FHIT: variants seen among roughly 807,000 people sequenced by gnomAD.
The protein encoded by FHIT is fragile histidine triad diadenosine triphosphatase.
Under a neutral mutation model 17.9 loss-of-function variants are expected in FHIT, and 19 were observed. That is an observed-to-expected ratio of 1.06 (90% CI 0.74 to 1.56). FHIT has a LOEUF of 1.56. FHIT is among the 40% of genes most tolerant of loss of function. The pLI, the probability that FHIT is intolerant of heterozygous loss-of-function variation, is 0.00. For missense variants in FHIT, 248 were observed against 189.2 expected (o/e 1.31, Z -1.82); for synonymous variants, 81 against 69.7 (o/e 1.16, Z -0.81).
chr3:61,213,959 G>A (rs1019577688), intron 1 of FHIT, among the ~76,000 whole-genome samples: 6 of 152,010 alleles, frequency 3.9e-5, no homozygotes, highest in East Asian at 1.9e-4. Flanking sequence ...TGAAACCAAC[G>A]AGAACAAAGA....
Position 60,924,847 on chromosome 3 carries a change from T to G in FHIT, c.-110-102836A>C, listed in dbSNP as rs1707495776. 2.6e-5 allele frequency among the ~76,000 whole-genome samples: 4 copies of G among 151,678 alleles called. No homozygotes were observed. In the South Asian group the frequency reaches 8.4e-4, roughly 32 times the overall value. ...ACGAATGGCTAACTAGAATAACCAA[T>G]GCAGAGAAGTCCTTAAAGGACCTGA... On this transcript the variant is annotated intron_variant, in intron 3 of 9. Transcript: ENST00000492590.
chr3:60,244,818 G>C lies in FHIT; in HGVS notation c.104-230666C>G, dbSNP rs1318363765. 3.3e-5 allele frequency among the ~76,000 whole-genome samples: 5 copies of C among 152,018 alleles called. No homozygotes were observed. The East Asian group carries it at 9.6e-4, about 29-fold the overall frequency. ...AAAGATCTTACATTTGATCAGCGTG[G>C]CTTTTAATTTTAGTTATGATTATTT... On this transcript the variant is annotated intron_variant, in intron 5 of 9. Transcript: ENST00000492590.
chr3:60,280,895 ACTGTTTTTGCTCTCATG>A (rs1707396999), intron 5 of FHIT, among the ~76,000 whole-genome samples: 1 of 97,922 alleles, frequency 1.0e-5, no homozygotes. Flanking sequence ...AGAAAATAAA[ACTGTTTTTGCTCTCATG>A]ATATGGCTGA....
chr3:60,848,339 G>C (rs1406709952), intron 3 of FHIT, among the ~76,000 whole-genome samples: 1 of 152,076 alleles, frequency 6.6e-6, no homozygotes, highest in African/African-American at 2.4e-5. Context: ...TACTTTTTAA[G>C]ATAATTTTTT....
At chr3:60,436,152 ATTC>A (rs1278731939) in intron 5 of FHIT, among the ~76,000 whole-genome samples, 2 of 152,048 alleles carry the variant, frequency 1.3e-5, no homozygotes, top group Non-Finnish European at 1.5e-5. Flanking sequence ...GGCTCAAGCA[ATTC>A]TTCTGCCTCA....
At chr3:59,978,507 G>C (rs951111682) in intron 7 of FHIT, among the ~76,000 whole-genome samples, 10 of 151,544 alleles carry the variant, frequency 6.6e-5, no homozygotes, top group African/African-American at 2.2e-4. Context: ...TTAGAGGCTG[G>C]AATAGTTAAA....
chr3:60,039,136 G>C (rs1250889941), intron 5 of FHIT, among the ~76,000 whole-genome samples: 1 of 152,146 alleles, frequency 6.6e-6, no homozygotes, highest in African/African-American at 2.4e-5. Flanking sequence ...TCCTTAAGGT[G>C]TTTCCATGTG....
At chr3:59,905,299 G>A (rs1036742856) in intron 8 of FHIT, among the ~76,000 whole-genome samples, 7 of 152,212 alleles carry the variant, frequency 4.6e-5, no homozygotes, top group East Asian at 3.9e-4. Context: ...TACAGAGGAC[G>A]AACTTCAAGA....
At position 60,636,227 on chromosome 3, in the gene FHIT, C is replaced by T. The variant is rs1367256428; in HGVS notation, c.-17-99248G>A. ...CTGGAACTACAGGCATGCACCACCA[C>T]GCCTAGCTAATTTTTATATTTTTAG... On this transcript the variant is annotated intron_variant, in intron 4 of 9. Coordinates refer to ENST00000492590, the MANE Select transcript of FHIT (RefSeq NM_002012.4). Among the ~76,000 whole-genome samples, 18 of 152,180 alleles carry T rather than the reference C, an allele frequency of 1.2e-4. No homozygotes were observed. The East Asian group carries it at 2.7e-3, about 23-fold the overall frequency.
At chr3:60,763,183 T>C (rs1405070785) in intron 4 of FHIT, among the ~76,000 whole-genome samples, 1 of 152,030 alleles carries the variant, frequency 6.6e-6, no homozygotes, top group Non-Finnish European at 1.5e-5. Flanking sequence ...AGACAGAATG[T>C]GTAAAAGTGC....
At chr3:59,788,908 C>T (rs920007691) in intron 8 of FHIT, among the ~76,000 whole-genome samples, 6 of 2,162 alleles carry the variant, frequency 2.8e-3, no homozygotes, top group Non-Finnish European at 4.6e-3. Context: ...CATCTCCAAA[C>T]AGCAAGTAAT....
In FHIT at chr3:61,152,358, G is replaced by C. The variant is rs76897108; in HGVS notation, c.-164+48259C>G. 9.9e-3 allele frequency among the ~76,000 whole-genome samples: 1,502 copies of C among 152,310 alleles called. 30 individuals carry two copies. Among genetic ancestry groups the C allele is most frequent in the African/African-American group, 0.032 (1,339 of 41,560 alleles). On this transcript the variant is annotated intron_variant, in intron 2 of 9. Coordinates refer to ENST00000492590, the MANE Select transcript of FHIT (RefSeq NM_002012.4). Reference sequence around the variant, plus strand: ...GGAAGCACACAGCTGAACTTTTGCTGATAAAAAGGCTAACTTTTTAATTTT... The same window carrying C: ...GGAAGCACACAGCTGAACTTTTGCTCATAAAAAGGCTAACTTTTTAATTTT...
At chr3:60,765,975 T>G (rs551908405) in intron 4 of FHIT, among the ~76,000 whole-genome samples, 1 of 152,282 alleles carries the variant, frequency 6.6e-6, no homozygotes, top group East Asian at 1.9e-4. Flanking sequence ...TGGCTCAGAC[T>G]TTGGCCACAG....
intron 5 of FHIT, among the ~76,000 whole-genome samples, chr3:60,344,168 T>G (rs944825374): frequency 2.6e-5 from 4 of 152,182 alleles, no homozygotes; most frequent in Non-Finnish European, 5.9e-5. Flanking sequence ...AGGTCTTCAG[T>G]GAAGTGTATT....
chr3:60,617,739 T>C (rs1553676500), intron 4 of FHIT: 1 of 154,134 alleles, frequency 6.5e-6, no homozygotes, highest in African/African-American at 2.4e-5. Context: ...GTTATCCAGA[T>C]GTGGGGAAAA....
intron 2 of FHIT, among the ~76,000 whole-genome samples, chr3:61,095,656 A>G (rs2035615688): frequency 6.6e-6 from 1 of 152,112 alleles, no homozygotes; most frequent in African/African-American, 2.4e-5. Flanking sequence ...TGTTTTAAAA[A>G]AAAAAATTCA....
chr3:61,190,285 C>G (rs1336369310), intron 2 of FHIT, among the ~76,000 whole-genome samples: 1 of 152,184 alleles, frequency 6.6e-6, no homozygotes, highest in Non-Finnish European at 1.5e-5. Flanking sequence ...TGAACAGACA[C>G]TTCTCAAAAG....
intron 5 of FHIT, among the ~76,000 whole-genome samples, chr3:60,361,246 A>G (rs1288400404): frequency 6.6e-6 from 1 of 152,378 alleles, no homozygotes; most frequent in East Asian, 1.9e-4. Context: ...TAAAGAAGAG[A>G]TGAAACTAGA....
intron 4 of FHIT, among the ~76,000 whole-genome samples, chr3:60,623,806 C>T (rs1369648807): frequency 1.3e-5 from 2 of 152,108 alleles, no homozygotes; most frequent in Non-Finnish European, 2.9e-5. Flanking sequence ...ATCTATTTGC[C>T]CAACCCGATT....
Sources: allele counts gnomAD v4.1 joint callset (sites outside exome capture counted in the v4.1 genomes callset), GRCh38; gene constraint gnomAD v4.1.1; transcripts MANE v1.5; gene names NCBI Gene and HGNC (gene_info 2026-07-23, HGNC 2026-07-21).